The following SYCP1 variants were observed in gnomAD, a reference collection of about 807,000 sequenced individuals.
The protein encoded by SYCP1 is cancer/testis antigen 8.
Under a neutral mutation model 153.1 loss-of-function variants are expected in SYCP1, and 64 were observed. The observed-to-expected ratio is 0.42, with a 90% CI of 0.34 to 0.51. The LOEUF is 0.51. Among genes scored for constraint, SYCP1 ranks in the 20% least tolerant of loss-of-function variants. The pLI, the probability that SYCP1 is intolerant of heterozygous loss-of-function variation, is 0.06. For synonymous variants in SYCP1, 384 were observed against 341.8 expected, an observed-to-expected ratio of 1.12 and a Z score of -1.36; for missense variants, 997 against 1,049.0, an observed-to-expected ratio of 0.95 and a Z score of 0.68.
At chr1:114,977,781 C>T in intron 28 of SYCP1, 165 bp downstream of exon 28, 1 of 443,632 alleles carries the variant, frequency 2.3e-6, no homozygotes. Flanking sequence ...AGCATTTTAG[C>T]TAAAAATTTC....
intron 16 of SYCP1, 150 bp downstream of exon 16, chr1:114,895,659 A>G (rs1667011717): frequency 2.3e-6 from 1 of 426,784 alleles, no homozygotes; most frequent in African/African-American, 2.0e-5. Flanking sequence ...GTAAAGATGC[A>G]TTTTTTAGAC....
rs1367083342 is a variant in SYCP1, at chr1:114,944,908, A to G, written c.2080A>G (p.Lys694Glu). The G allele has an allele frequency of 1.2e-6, 2 of 1,604,692 alleles. No individual in the cohort carries two copies. Among genetic ancestry groups the G allele is most frequent in the South Asian group, 2.3e-5 (2 of 88,564 alleles). The change falls in exon 25 of 32, where the codon AAA becomes GAA. Residue 694 changes from lysine to glutamate, a missense_variant. By Grantham distance (56) the Lys-to-Glu change is moderately conservative. Coordinates refer to ENST00000369522, the MANE Select transcript of SYCP1 (RefSeq NM_003176.4). Reference protein sequence around the residue: ...KAKVIADEAVKLQKEIDKRCQ... With the variant: ...KAKVIADEAVELQKEIDKRCQ... Reference sequence around the variant, plus strand: ...AAAAGTAATAGCTGATGAAGCAGTAAAATTACAGAAAGAAATTGATAAGCG... The same window carrying G: ...AAAAGTAATAGCTGATGAAGCAGTAGAATTACAGAAAGAAATTGATAAGCG...
chr1:114,894,992 G>C (rs975765175), intron 15 of SYCP1, among the ~76,000 whole-genome samples: 3 of 152,004 alleles, frequency 2.0e-5, no homozygotes, highest in African/African-American at 7.2e-5. Context: ...CATAGAATCT[G>C]TGTATATTGG....
chr1:114,992,611 C>A (rs1674000900), intron 30 of SYCP1, among the ~76,000 whole-genome samples: 1 of 151,418 alleles, frequency 6.6e-6, no homozygotes, highest in Non-Finnish European at 1.5e-5. Flanking sequence ...TAAGTTGGAT[C>A]CTTTATATCA....
At chr1:114,953,327 A>G (rs147058884) in intron 27 of SYCP1, among the ~76,000 whole-genome samples, 2 of 152,222 alleles carry the variant, frequency 1.3e-5, no homozygotes, top group African/African-American at 4.8e-5. Flanking sequence ...GATAAATTTT[A>G]ATTTCTCAGT....
chr1:114,882,808 C>T (rs360642), intron 12 of SYCP1, among the ~76,000 whole-genome samples: 2 of 151,988 alleles, frequency 1.3e-5, no homozygotes, highest in South Asian at 4.1e-4. Context: ...GCAGCTTGAA[C>T]GCTTGGGGTG....
intron 27 of SYCP1, among the ~76,000 whole-genome samples, chr1:114,968,496 C>T (rs182380402): frequency 1.8e-3 from 273 of 152,218 alleles, no homozygotes; most frequent in Non-Finnish European, 3.4e-3. Context: ...GTATGTTTCA[C>T]GAAGTTCTCA....
At chr1:114,898,961 C>T (rs915140949) in intron 16 of SYCP1, among the ~76,000 whole-genome samples, 4 of 152,166 alleles carry the variant, frequency 2.6e-5, no homozygotes, top group African/African-American at 9.7e-5. Context: ...TCTTTACTGA[C>T]CACAGGTCAG....
At chr1:114,953,466 T>C (rs929194864) in intron 27 of SYCP1, among the ~76,000 whole-genome samples, 1 of 152,256 alleles carries the variant, frequency 6.6e-6, no homozygotes, top group African/African-American at 2.4e-5. Flanking sequence ...CTTACATCTG[T>C]GATCCATTTT....
intron 30 of SYCP1, among the ~76,000 whole-genome samples, chr1:114,991,750 A>G (rs1338639177): frequency 1.3e-5 from 2 of 151,794 alleles, no homozygotes; most frequent in African/African-American, 4.8e-5. Flanking sequence ...AGAATGAGGC[A>G]GGGTGCCCAC....
chr1:114,893,773 G>A (rs1666885115), intron 15 of SYCP1, among the ~76,000 whole-genome samples: 1 of 152,056 alleles, frequency 6.6e-6, no homozygotes, highest in Non-Finnish European at 1.5e-5. Flanking sequence ...TGTGGGGAAA[G>A]GTGGGCATAG....
At position 114,913,049 on chromosome 1, in the gene SYCP1, T is replaced by G. The variant is rs369581147; in HGVS notation, c.1546T>G (p.Leu516Val). The G allele has an allele frequency of 5.0e-6, 8 of 1,610,330 alleles. No homozygotes were observed. In the African/African-American group the frequency reaches 1.1e-4, roughly 22 times the overall value. ...AAAAAATAGGCTTAAGAATACTGAA[T>G]TAACTTCACACTGCAACAAGCTTTC... Reference protein sequence around the residue: ...LENEKLKNTELTSHCNKLSLE... With the variant: ...LENEKLKNTEVTSHCNKLSLE... Residue 516 changes from leucine to valine, a missense_variant, in exon 19 of 32, where the codon TTA becomes GTA. By Grantham distance (32) the Leu-to-Val change is conservative. Coordinates refer to ENST00000369522, the MANE Select transcript of SYCP1 (RefSeq NM_003176.4).
intron 18 of SYCP1, among the ~76,000 whole-genome samples, chr1:114,912,514 T>C (rs918185803): frequency 6.6e-6 from 1 of 151,992 alleles, no homozygotes; most frequent in African/African-American, 2.4e-5. Context: ...ATTTGAGATC[T>C]TTTAAGAGCA....
chr1:114,906,849 C>T (rs1010806534), intron 16 of SYCP1, among the ~76,000 whole-genome samples: 1 of 152,126 alleles, frequency 6.6e-6, no homozygotes, highest in Non-Finnish European at 1.5e-5. Flanking sequence ...CAATTAGGCT[C>T]AGTTGGCTGA....
chr1:114,863,204 A>G (rs1664495507), intron 8 of SYCP1: 1 of 152,216 alleles, frequency 6.6e-6, no homozygotes, highest in African/African-American at 2.4e-5. Context: ...TCCTTGAGGA[A>G]TCACCACACT....
intron 27 of SYCP1, among the ~76,000 whole-genome samples, chr1:114,969,201 G>A (rs1672324893): frequency 6.6e-6 from 1 of 152,164 alleles, no homozygotes; most frequent in South Asian, 2.1e-4. Flanking sequence ...AGCAGAACTC[G>A]AGCACTGTGC....
chr1:114,949,405 T>C (rs1460786493), intron 27 of SYCP1, among the ~76,000 whole-genome samples: 1 of 152,176 alleles, frequency 6.6e-6, no homozygotes, highest in Non-Finnish European at 1.5e-5. Context: ...TTATCAGGAA[T>C]GCTAGAGTCC....
At chr1:114,962,133 G>T (rs1261016403) in intron 27 of SYCP1, among the ~76,000 whole-genome samples, 1 of 151,758 alleles carries the variant, frequency 6.6e-6, no homozygotes, top group Non-Finnish European at 1.5e-5. Context: ...CAGGCAGCCG[G>T]CACAACACCC....
At chr1:114,973,333 C>T (rs965570330) in intron 27 of SYCP1, among the ~76,000 whole-genome samples, 16 of 151,986 alleles carry the variant, frequency 1.1e-4, no homozygotes, top group Admixed American at 8.5e-4. Flanking sequence ...GGTTGTGCTT[C>T]CTTTCTCCAA....
Sources: allele counts gnomAD v4.1 joint callset (sites outside exome capture counted in the v4.1 genomes callset), GRCh38; gene constraint gnomAD v4.1.1; transcripts MANE v1.5; gene names NCBI Gene and HGNC (gene_info 2026-07-23, HGNC 2026-07-21).